Variants in LRRC4C observed in about 807,000 individuals in gnomAD.
LRRC4C encodes leucine rich repeat containing 4C.
In LRRC4C, 5 loss-of-function variants were observed where a neutral mutation model predicts 33.6. That is an observed-to-expected ratio of 0.15 (90% CI 0.08 to 0.31). The LOEUF is 0.31. Among genes scored for constraint, LRRC4C ranks in the 10% least tolerant of loss-of-function variants. The pLI, the probability that LRRC4C is intolerant of heterozygous loss-of-function variation, is 1.00. For missense variants in LRRC4C, 560 were observed against 796.7 expected, an observed-to-expected ratio of 0.70 and a Z score of 3.58; for synonymous variants, 329 against 302.0, an observed-to-expected ratio of 1.09 and a Z score of -0.93.
chr11:40,712,435 T>C (rs1946513304), intron 2 of LRRC4C, among the ~76,000 whole-genome samples: 1 of 152,112 alleles, frequency 6.6e-6, no homozygotes, highest in Non-Finnish European at 1.5e-5. Context: ...CAAAATATTT[T>C]TGAAAAAGGT....
rs114238910 is a variant in LRRC4C at position 40,977,923 on chromosome 11, A to G, written c.-495-44200T>C. Among the ~76,000 whole-genome samples, 167 of 152,314 alleles carry G rather than the reference A, an allele frequency of 1.1e-3. 1 individual carries two copies. The highest frequency in any genetic ancestry group is 3.9e-3 in the African/African-American group (161 of 41,576). On this transcript the variant is annotated intron_variant, in intron 1 of 6. Coordinates refer to ENST00000528697, the MANE Select transcript of LRRC4C (RefSeq NM_001258419.2). The stretch of plus-strand genomic sequence containing the variant: ...TCACCAGGGAGAAGAGGACATGTGA[A>G]GGCACACAGGAAAAAAACGTACAGA...
At chr11:40,512,386 A>AAAAC (rs139670958) in intron 3 of LRRC4C, among the ~76,000 whole-genome samples, 26,573 of 152,012 alleles carry the variant, frequency 0.17, 2,800 homozygotes, top group African/African-American at 0.3. Flanking sequence ...AACAAAAACA[A>AAAAC]AAACAAACAA....
intron 3 of LRRC4C, among the ~76,000 whole-genome samples, chr11:40,379,355 T>A (rs1243485235): frequency 6.6e-6 from 1 of 152,166 alleles, no homozygotes; most frequent in Non-Finnish European, 1.5e-5. Context: ...AGCAGCTGTT[T>A]TAAACCCAAT....
chr11:41,105,006 G>A (rs1404148666), intron 1 of LRRC4C, among the ~76,000 whole-genome samples: 2 of 151,760 alleles, frequency 1.3e-5, no homozygotes, highest in African/African-American at 2.4e-5. Flanking sequence ...AAAAAAATTT[G>A]GCGATGGACA....
intron 3 of LRRC4C, among the ~76,000 whole-genome samples, chr11:40,333,449 G>A (rs1946449500): frequency 6.6e-6 from 1 of 151,964 alleles, no homozygotes; most frequent in Admixed American, 6.6e-5. Context: ...TGGCGTGGTG[G>A]CTCACACCTG....
intron 4 of LRRC4C, among the ~76,000 whole-genome samples, chr11:40,273,823 T>C (rs77186721): frequency 0.052 from 7,883 of 152,004 alleles, 668 homozygotes; most frequent in African/African-American, 0.18. Flanking sequence ...GAAATGAAAA[T>C]AGATATGACT....
chr11:41,104,781 T>G (rs1335151998), intron 1 of LRRC4C, among the ~76,000 whole-genome samples: 2 of 151,974 alleles, frequency 1.3e-5, no homozygotes, highest in Non-Finnish European at 2.9e-5. Flanking sequence ...TTGTCAGGAA[T>G]AAAGTACTGA....
intron 1 of LRRC4C, among the ~76,000 whole-genome samples, chr11:41,157,019 T>A (rs1944262317): frequency 6.6e-6 from 1 of 152,074 alleles, no homozygotes; most frequent in African/African-American, 2.4e-5. Flanking sequence ...TTCTGCCATG[T>A]GAAGAACAGC....
intron 1 of LRRC4C, among the ~76,000 whole-genome samples, chr11:41,211,159 T>A (rs1255369263): frequency 2.0e-5 from 3 of 152,072 alleles, no homozygotes; most frequent in Non-Finnish European, 4.4e-5. Flanking sequence ...AAAGAAGCTA[T>A]ATTTAGAAAA....
chr11:40,156,054 C>T (rs1256012633), intron 5 of LRRC4C, among the ~76,000 whole-genome samples: 2 of 152,000 alleles, frequency 1.3e-5, no homozygotes, highest in South Asian at 2.1e-4. Flanking sequence ...AACATACGCA[C>T]GTCAATAAAT....
At chr11:40,643,548 T>A (rs2136103172) in intron 3 of LRRC4C, among the ~76,000 whole-genome samples, 1 of 152,258 alleles carries the variant, frequency 6.6e-6, no homozygotes, top group East Asian at 1.9e-4. Context: ...TATGTTGGGA[T>A]GGTGTCAAAC....
intron 2 of LRRC4C, among the ~76,000 whole-genome samples, chr11:40,780,198 T>TA (rs931159086): frequency 1.3e-5 from 2 of 152,100 alleles, no homozygotes; most frequent in Non-Finnish European, 2.9e-5. Context: ...TTTGCCTGCA[T>TA]AAAAAAATTC....
At chr11:40,804,828 C>T (rs1951178482) in intron 2 of LRRC4C, among the ~76,000 whole-genome samples, 1 of 152,036 alleles carries the variant, frequency 6.6e-6, no homozygotes. Flanking sequence ...GAAACATTTC[C>T]ATAAATAATT....
intron 2 of LRRC4C, among the ~76,000 whole-genome samples, chr11:40,813,981 C>T (rs1591790403): frequency 6.6e-6 from 1 of 152,296 alleles, no homozygotes; most frequent in East Asian, 1.9e-4. Flanking sequence ...CAGGGTAGAG[C>T]CCTTCTCCTG....
chr11:41,217,783 C>T (rs767390930), intron 1 of LRRC4C, among the ~76,000 whole-genome samples: 6 of 152,076 alleles, frequency 3.9e-5, no homozygotes, highest in Non-Finnish European at 7.4e-5. Context: ...AAGACCCTGA[C>T]TTCATTACAA....
At chr11:40,474,307 A>G (rs2138327111) in intron 3 of LRRC4C, among the ~76,000 whole-genome samples, 1 of 152,318 alleles carries the variant, frequency 6.6e-6, no homozygotes, top group Admixed American at 6.5e-5. Flanking sequence ...TCTTTGACAA[A>G]CATGACAAAA....
chr11:41,295,914 C>T (rs1367356158), intron 1 of LRRC4C, among the ~76,000 whole-genome samples: 1 of 152,170 alleles, frequency 6.6e-6, no homozygotes, highest in East Asian at 1.9e-4. Flanking sequence ...ACAGAGGTGA[C>T]ACGATAAGAA....
intron 2 of LRRC4C, among the ~76,000 whole-genome samples, chr11:40,654,867 T>C (rs1340873377): frequency 6.6e-6 from 1 of 152,136 alleles, no homozygotes; most frequent in Non-Finnish European, 1.5e-5. Context: ...TGAATCATGG[T>C]GGTGGTTTCC....
chr11:40,860,843 A>G (rs980507062), intron 2 of LRRC4C, among the ~76,000 whole-genome samples: 1 of 124,738 alleles, frequency 8.0e-6, no homozygotes, highest in African/African-American at 3.1e-5. Flanking sequence ...AACCCATAAC[A>G]GAGAAATAAC....
Sources: gnomAD v4.1 joint callset for allele counts (sites outside exome capture counted in the v4.1 genomes callset) on GRCh38, gnomAD v4.1.1 for gene constraint, MANE v1.5 for transcripts, NCBI Gene and HGNC (gene_info 2026-07-23, HGNC 2026-07-21) for gene names.